Variants in PABPC4L observed in about 807,000 individuals in gnomAD.
The protein encoded by PABPC4L is polyadenylate-binding protein 4-like.
For synonymous variants in PABPC4L, 169 were observed against 164.1 expected (o/e 1.03, Z -0.23); for missense variants, 452 against 451.4 (o/e 1.00, Z -0.01).
chr4:134,011,192 A>T, the PABPC4L span, among the ~76,000 whole-genome samples: 5 of 152,234 alleles, frequency 3.3e-5, no homozygotes, highest in African/African-American at 1.2e-4. Flanking sequence ...GACACCTTCA[A>T]TTTATATTAG....
the PABPC4L span, among the ~76,000 whole-genome samples, chr4:133,956,381 G>A: frequency 6.6e-6 from 1 of 152,100 alleles, no homozygotes; most frequent in Non-Finnish European, 1.5e-5. Context: ...CAAAAGGAGA[G>A]GATAGCAATG....
the PABPC4L span, among the ~76,000 whole-genome samples, chr4:134,028,255 C>T: frequency 6.6e-6 from 1 of 152,048 alleles, no homozygotes; most frequent in Non-Finnish European, 1.5e-5. Context: ...GAAATCTTTA[C>T]ACTTTTGGTT....
At chr4:133,959,932 T>C in the PABPC4L span, among the ~76,000 whole-genome samples, 1 of 152,256 alleles carries the variant, frequency 6.6e-6, no homozygotes, top group Admixed American at 6.5e-5. Context: ...TAATGAATAT[T>C]TCTTATATAC....
chr4:134,198,337 A>AT lies in PABPC4L; in HGVS notation c.*1569dup, dbSNP rs922110728. 5.3e-5 allele frequency: 8 copies of AT among 151,608 alleles called. No individual in the cohort carries two copies. Among genetic ancestry groups the AT allele is most frequent in the African/African-American group, 1.7e-4 (7 of 41,396 alleles). 9.4% of individuals were successfully genotyped at this position (151,608 alleles called of 1,614,324 possible). On this transcript the variant is annotated 3_prime_UTR_variant, in exon 2 of 2. Transcript: ENST00000421491. Reference sequence around the variant, plus strand: ...ATACAATTATATGCAAATTCTTTTAATTTTTTCATTGTCCATAATTTTTTA... The same window carrying AT: ...ATACAATTATATGCAAATTCTTTTAATTTTTTTCATTGTCCATAATTTTTTA...
chr4:134,016,386 C>T, the PABPC4L span, among the ~76,000 whole-genome samples: 26 of 152,164 alleles, frequency 1.7e-4, 1 homozygote, highest in Non-Finnish European at 1.6e-4. Context: ...AATAAAAATG[C>T]TTCTCAAAGC....
At chr4:134,037,826 C>A in the PABPC4L span, among the ~76,000 whole-genome samples, 1 of 152,200 alleles carries the variant, frequency 6.6e-6, no homozygotes, top group African/African-American at 2.4e-5. Context: ...CTTTCTCTTG[C>A]CTGATTGCCC....
chr4:134,098,372 A>G, the PABPC4L span, among the ~76,000 whole-genome samples: 9 of 151,824 alleles, frequency 5.9e-5, no homozygotes, highest in South Asian at 1.7e-3. Flanking sequence ...ATCATACTCT[A>G]TACTATATAC....
At chr4:134,019,460 G>A in the PABPC4L span, among the ~76,000 whole-genome samples, 1 of 152,086 alleles carries the variant, frequency 6.6e-6, no homozygotes, top group African/African-American at 2.4e-5. Flanking sequence ...CATCAAATAA[G>A]TTGGCTGCAA....
At chr4:134,063,913 T>C in the PABPC4L span, among the ~76,000 whole-genome samples, 2 of 152,020 alleles carry the variant, frequency 1.3e-5, no homozygotes, top group Non-Finnish European at 2.9e-5. Flanking sequence ...AAACTTGTAA[T>C]ATGGTCTCAA....
At chr4:133,957,600 T>G in the PABPC4L span, among the ~76,000 whole-genome samples, 1 of 152,182 alleles carries the variant, frequency 6.6e-6, no homozygotes, top group African/African-American at 2.4e-5. Context: ...AGACTCTGTG[T>G]GGGGGCTCCA....
chr4:133,952,053 C>T, the PABPC4L span, among the ~76,000 whole-genome samples: 1 of 152,126 alleles, frequency 6.6e-6, no homozygotes, highest in East Asian at 1.9e-4. Context: ...AATCCCCTTT[C>T]CCTTAGGAAA....
the PABPC4L span, among the ~76,000 whole-genome samples, chr4:134,177,443 G>A: frequency 1.3e-5 from 2 of 151,942 alleles, no homozygotes; most frequent in African/African-American, 2.4e-5. Context: ...AAAAGTGCTG[G>A]GATTACAGGC....
At chr4:134,110,345 G>T in the PABPC4L span, among the ~76,000 whole-genome samples, 4 of 151,860 alleles carry the variant, frequency 2.6e-5, no homozygotes, top group African/African-American at 9.7e-5. Context: ...ATAGTGTAGG[G>T]TTTATTAAAA....
At chr4:133,993,996 G>C in the PABPC4L span, among the ~76,000 whole-genome samples, 2 of 152,038 alleles carry the variant, frequency 1.3e-5, no homozygotes, top group African/African-American at 4.8e-5. Flanking sequence ...GAGTGGAAAA[G>C]GTCTCCAAGG....
At chr4:134,034,536 C>T in the PABPC4L span, among the ~76,000 whole-genome samples, 126 of 152,034 alleles carry the variant, frequency 8.3e-4, no homozygotes, top group African/African-American at 2.9e-3. Context: ...ATTCTAGATG[C>T]TATTAAGAAC....
At chr4:134,059,955 A>G in the PABPC4L span, among the ~76,000 whole-genome samples, 1 of 152,258 alleles carries the variant, frequency 6.6e-6, no homozygotes, top group African/African-American at 2.4e-5. Flanking sequence ...CACAGGGAAA[A>G]CAGTCTTGCA....
At chr4:134,110,403 G>T in the PABPC4L span, among the ~76,000 whole-genome samples, 1 of 151,922 alleles carries the variant, frequency 6.6e-6, no homozygotes. Context: ...GATGTAAAAA[G>T]AAGTTGGAAG....
At chr4:134,180,166 C>A in the PABPC4L span, among the ~76,000 whole-genome samples, 2 of 152,012 alleles carry the variant, frequency 1.3e-5, no homozygotes, top group East Asian at 1.9e-4. Context: ...TCAGCAAATT[C>A]ATAAAAAACA....
chr4:134,027,027 C>T, the PABPC4L span, among the ~76,000 whole-genome samples: 1 of 152,056 alleles, frequency 6.6e-6, no homozygotes. Context: ...TTGTTACAAT[C>T]GCACTAGAAA....
Sources: gnomAD v4.1 joint callset for allele counts (sites outside exome capture counted in the v4.1 genomes callset) on GRCh38, gnomAD v4.1.1 for gene constraint, MANE v1.5 for transcripts, NCBI Gene and HGNC (gene_info 2026-07-23, HGNC 2026-07-21) for gene names.